BACH1: variants seen among roughly 807,000 people sequenced by gnomAD.
The protein encoded by BACH1 is BTB domain and CNC homolog 1.
Under a neutral mutation model 52.9 loss-of-function variants are expected in BACH1, and 35 were observed. The observed-to-expected ratio is 0.66, with a 90% confidence interval of 0.51 to 0.88. The LOEUF is 0.88. Ranked by LOEUF, BACH1 falls within the 40% of genes least tolerant of loss-of-function variation. The pLI, the probability that BACH1 is intolerant of heterozygous loss-of-function variation, is 0.00. For missense variants in BACH1, 808 were observed against 872.6 expected (o/e 0.93, Z 0.93); for synonymous variants, 321 against 319.6 (o/e 1.00, Z -0.05).
chr21:29,358,275 T>A lies in BACH1; in HGVS notation c.472+28582T>A, dbSNP rs184381681. 2.5e-3 allele frequency among the ~76,000 whole-genome samples: 373 copies of A among 152,168 alleles called. 2 individuals carry two copies. The highest frequency in any genetic ancestry group is 8.5e-3 in the African/African-American group (351 of 41,488). On this transcript the variant is annotated intron_variant, in intron 2 of 4. Coordinates refer to the BACH1 transcript ENST00000422809. ...TTTAATCTTTACACATTTGACAATA[T>A]CCAATAAAAAGAACACCAAACTACA...
intron 1 of BACH1, among the ~76,000 whole-genome samples, chr21:29,306,132 GAA>G (rs1169786416): frequency 6.6e-6 from 1 of 151,744 alleles, no homozygotes; most frequent in Non-Finnish European, 1.5e-5. Context: ...AGAGGAGAGA[GAA>G]ATAGATTTTA....
intron 2 of BACH1, among the ~76,000 whole-genome samples, chr21:29,357,602 C>A (rs2089242699): frequency 6.6e-6 from 1 of 152,138 alleles, no homozygotes; most frequent in South Asian, 2.1e-4. Flanking sequence ...TTTTGATAGC[C>A]TCTGACACTA....
At chr21:29,320,957 A>G (rs946881148) in intron 1 of BACH1, among the ~76,000 whole-genome samples, 5 of 152,178 alleles carry the variant, frequency 3.3e-5, no homozygotes, top group East Asian at 3.9e-4. Flanking sequence ...CTCAGTGTGT[A>G]ATGTCTCACT....
intron 2 of BACH1, among the ~76,000 whole-genome samples, 178 bp from the exon 3 acceptor site, chr21:29,325,881 T>C (rs2088904522): frequency 6.6e-6 from 1 of 152,234 alleles, no homozygotes; most frequent in African/African-American, 2.4e-5. Flanking sequence ...AGCATGCTTT[T>C]CCAGGATCTT....
At position 29,332,833 on chromosome 21, in the gene BACH1, C is replaced by T. The variant is rs529207737; in HGVS notation, c.1776+3140C>T. On this transcript the variant is annotated intron_variant, in intron 4 of 4. Coordinates refer to ENST00000286800, the MANE Select transcript of BACH1 (RefSeq NM_001186.4). Reference sequence around the variant, plus strand: ...CTCAGGTATCCTCTTCTGTGACTAGCGAGCAAGAACAAAATAGAAGAGTCA... The same window carrying T: ...CTCAGGTATCCTCTTCTGTGACTAGTGAGCAAGAACAAAATAGAAGAGTCA... 4.6e-5 allele frequency among the ~76,000 whole-genome samples: 7 copies of T among 152,308 alleles called. No individual in the cohort carries two copies. In the South Asian group the frequency reaches 6.2e-4, roughly 14 times the overall value.
At chr21:29,316,188 A>G (rs754705232) in intron 1 of BACH1, among the ~76,000 whole-genome samples, 7 of 152,192 alleles carry the variant, frequency 4.6e-5, no homozygotes, top group Non-Finnish European at 1.0e-4. Flanking sequence ...TAGGTTTTTA[A>G]GAGTTTTTTT....
chr21:29,339,788 C>G (rs1287342436), intron 4 of BACH1, among the ~76,000 whole-genome samples: 1 of 152,054 alleles, frequency 6.6e-6, no homozygotes, highest in African/African-American at 2.4e-5. Context: ...TGTGTGCCAC[C>G]ATGCCCAGCT....
At chr21:29,358,764 G>T (rs1352722814) in intron 2 of BACH1, among the ~76,000 whole-genome samples, 1 of 65,706 alleles carries the variant, frequency 1.5e-5, no homozygotes, top group Non-Finnish European at 3.3e-5. Context: ...GAAAAGAAAA[G>T]AAAAGAAAAG....
intron 2 of BACH1, chr21:29,352,489 A>G (rs528453523): frequency 1.3e-5 from 2 of 152,300 alleles, no homozygotes; most frequent in South Asian, 2.1e-4. Context: ...ATAGCAAAGT[A>G]AGACTGACTC....
In BACH1 at chr21:29,346,128, C is replaced by T. The variant is rs920314982; in HGVS notation, c.*3295C>T. The T allele has an allele frequency of 2.0e-5, 3 of 152,322 alleles. No individual in the cohort carries two copies. Among genetic ancestry groups the T allele is most frequent in the African/African-American group, 7.2e-5 (3 of 41,454 alleles). 9.4% of individuals were successfully genotyped at this position (152,322 alleles called of 1,614,324 possible). A position where few individuals can be genotyped will look rare whatever the true frequency, so the allele number is the denominator to read the frequency against. ...TAAGTTGACAGTTAAATAAAATTCT[C>T]TAAAATTGCTTCTAATTGAATAGAA... On this transcript the variant is annotated 3_prime_UTR_variant, in exon 5 of 5. Transcript: ENST00000286800.
At chr21:29,324,955 G>A (rs1246438570) in intron 2 of BACH1, among the ~76,000 whole-genome samples, 1 of 152,104 alleles carries the variant, frequency 6.6e-6, no homozygotes, top group Non-Finnish European at 1.5e-5. Context: ...ACAGCCGGGC[G>A]CGGTGGCTCA....
At chr21:29,311,308 A>G (rs1331307040) in intron 1 of BACH1, among the ~76,000 whole-genome samples, 1 of 152,202 alleles carries the variant, frequency 6.6e-6, no homozygotes, top group African/African-American at 2.4e-5. Flanking sequence ...TTATATTAAT[A>G]CTTGCAACCA....
At chr21:29,356,683 G>T (rs2089236493) in intron 2 of BACH1, among the ~76,000 whole-genome samples, 3 of 152,268 alleles carry the variant, frequency 2.0e-5, no homozygotes, top group Non-Finnish European at 2.9e-5. Flanking sequence ...GCTATGGGTT[G>T]TCAGTGGCTT....
intron 2 of BACH1, among the ~76,000 whole-genome samples, chr21:29,325,489 T>A (rs1426887087): frequency 6.6e-6 from 1 of 152,246 alleles, no homozygotes; most frequent in Non-Finnish European, 1.5e-5. Flanking sequence ...AGATCACTTT[T>A]AAAAATCTGA....
At chr21:29,340,879 T>TA (rs2089103430) in intron 4 of BACH1, among the ~76,000 whole-genome samples, 1 of 151,556 alleles carries the variant, frequency 6.6e-6, no homozygotes, top group African/African-American at 2.4e-5. Flanking sequence ...GTGCAACTGA[T>TA]AAACTTTGCA....
rs10595449 is a variant in BACH1, at chr21:29,344,634, T to TTGTGTGTGTG, written c.*1827_*1836dup. ...AGTGCATCCCATACTGCAAAAGAAT[T>TTGTGTGTGTG]TGTGTGTGTGTGTGTGTGTGTGTGT... On this transcript the variant is annotated 3_prime_UTR_variant, in exon 5 of 5. Transcript: ENST00000286800. The TTGTGTGTGTG allele has an allele frequency of 3.5e-4, 52 of 149,316 alleles. No homozygotes were observed. The highest frequency in any genetic ancestry group is 1.2e-3 in the African/African-American group (50 of 40,750). The allele number at this position is 149,316 out of a possible 1,614,324, so 9.2% of individuals were successfully genotyped here.
chr21:29,353,677 C>T (rs967222577), intron 2 of BACH1, among the ~76,000 whole-genome samples: 1 of 152,158 alleles, frequency 6.6e-6, no homozygotes, highest in African/African-American at 2.4e-5. Context: ...AGTGCTGGGA[C>T]TGTAACCTTC....
chr21:29,312,515 A>G (rs2088737498), intron 1 of BACH1, among the ~76,000 whole-genome samples: 1 of 152,194 alleles, frequency 6.6e-6, no homozygotes, highest in Non-Finnish European at 1.5e-5. Context: ...GTGCATAGAA[A>G]ATCCTATGGA....
intron 2 of BACH1, among the ~76,000 whole-genome samples, chr21:29,359,987 TC>T (rs961778617): frequency 9.9e-5 from 15 of 152,278 alleles, no homozygotes; most frequent in Middle Eastern, 3.4e-3. Context: ...CAGTGACTAT[TC>T]CTCTATTCAT....
Sources: allele counts gnomAD v4.1 joint callset (sites outside exome capture counted in the v4.1 genomes callset), GRCh38; gene constraint gnomAD v4.1.1; transcripts MANE v1.5; gene names NCBI Gene and HGNC (gene_info 2026-07-23, HGNC 2026-07-21).